CNTN5: variants seen among roughly 807,000 people sequenced by gnomAD.
CNTN5 encodes contactin-5.
In CNTN5, 77 loss-of-function variants were observed where a neutral mutation model predicts 129.1. The observed-to-expected ratio is 0.60, with a 90% CI of 0.50 to 0.72. CNTN5 has a LOEUF of 0.72. CNTN5 is among the 30% of genes least tolerant of loss of function. The pLI, the probability that CNTN5 is intolerant of heterozygous loss-of-function variation, is 0.00. For synonymous variants in CNTN5, 509 were observed against 465.6 expected, an observed-to-expected ratio of 1.09 and a Z score of -1.20; for missense variants, 1,478 against 1,328.8, an observed-to-expected ratio of 1.11 and a Z score of -1.75.
intron 6 of CNTN5, among the ~76,000 whole-genome samples, chr11:99,852,111 C>A (rs969500723): frequency 1.3e-5 from 2 of 152,096 alleles, no homozygotes; most frequent in African/African-American, 2.4e-5. Context: ...GATGTTATTA[C>A]AAAATAAATT....
At chr11:99,777,245 A>G (rs1390322971) in intron 3 of CNTN5, among the ~76,000 whole-genome samples, 1 of 151,854 alleles carries the variant, frequency 6.6e-6, no homozygotes, top group Non-Finnish European at 1.5e-5. Context: ...GTTCACATGT[A>G]TCTTTTAAAA....
chr11:100,034,563 G>A (rs138028100), intron 9 of CNTN5, among the ~76,000 whole-genome samples: 250 of 152,264 alleles, frequency 1.6e-3, no homozygotes, highest in Non-Finnish European at 2.8e-3. Context: ...TGCATACAGA[G>A]TGTCCTAAAC....
Position 100,167,365 on chromosome 11 carries a change from A to G in CNTN5, c.1581-23761A>G, listed in dbSNP as rs183784417. On this transcript the variant is annotated intron_variant, in intron 13 of 24. Transcript: ENST00000524871. ...AAAATTGGAGATGACTGATAAATACATTTAAAGCAGGCAAAATTTGAGATG... is the reference window on the plus strand; with the variant it reads ...AAAATTGGAGATGACTGATAAATACGTTTAAAGCAGGCAAAATTTGAGATG... Among the ~76,000 whole-genome samples the G allele has an allele frequency of 3.9e-3, 590 of 151,962 alleles. 2 individuals are homozygous for G. Among genetic ancestry groups the G allele is most frequent in the Non-Finnish European group, 6.3e-3 (430 of 67,860 alleles).
intron 23 of CNTN5, among the ~76,000 whole-genome samples, chr11:100,344,254 T>C (rs1203469941): frequency 6.6e-6 from 1 of 152,170 alleles, no homozygotes; most frequent in African/African-American, 2.4e-5. Flanking sequence ...CAGTTTAAGA[T>C]TGAAGAATTC....
intron 19 of CNTN5, 67 bp from the exon 20 acceptor site, chr11:100,299,095 G>C (rs1951163169): frequency 9.5e-7 from 1 of 1,051,468 alleles, no homozygotes; most frequent in African/African-American, 1.6e-5. Flanking sequence ...TTTTAATTAA[G>C]AATTTGGAGA....
chr11:99,302,258 T>G (rs1264772022), intron 1 of CNTN5, among the ~76,000 whole-genome samples: 1 of 151,098 alleles, frequency 6.6e-6, no homozygotes, highest in East Asian at 1.9e-4. Context: ...ATAAAAACAA[T>G]AGTGAAAAGT....
At position 100,191,385 on chromosome 11, in the gene CNTN5, A is replaced by G. The variant is rs1308825625; in HGVS notation, c.1708+132A>G. ...GCTTGTGTTTATAAAATACATTGCAAACATAGAACTAAAACAGCCACATTG... is the reference window on the plus strand; with the variant it reads ...GCTTGTGTTTATAAAATACATTGCAGACATAGAACTAAAACAGCCACATTG... On this transcript the variant is annotated intron_variant, in intron 14 of 24. Coordinates refer to ENST00000524871, the MANE Select transcript of CNTN5 (RefSeq NM_014361.4). The G allele has an allele frequency of 3.8e-5, 25 of 652,326 alleles. No individual in the cohort carries two copies. In the East Asian group the frequency reaches 7.8e-4, roughly 20 times the overall value. 40.4% of individuals were successfully genotyped at this position (652,326 alleles called of 1,614,324 possible). A position where few individuals can be genotyped will look rare whatever the true frequency, so the allele number is the denominator to read the frequency against.
intron 2 of CNTN5, among the ~76,000 whole-genome samples, chr11:99,534,284 A>C (rs1227934827): frequency 6.6e-6 from 1 of 152,218 alleles, no homozygotes; most frequent in East Asian, 1.9e-4. Flanking sequence ...AGGAGCTATG[A>C]ATATTCAGCA....
At chr11:99,535,545 T>A (rs531286964) in intron 2 of CNTN5, among the ~76,000 whole-genome samples, 1 of 152,304 alleles carries the variant, frequency 6.6e-6, no homozygotes, top group Non-Finnish European at 1.5e-5. Context: ...TCAGAGACTC[T>A]GATTCAATTG....
intron 23 of CNTN5, 74 bp from the exon 24 acceptor site, chr11:100,350,628 T>A: frequency 9.1e-7 from 1 of 1,099,050 alleles, no homozygotes; most frequent in African/African-American, 1.6e-5. Context: ...TCTCAGAATG[T>A]GACACATAGT....
intron 3 of CNTN5, among the ~76,000 whole-genome samples, chr11:99,564,658 T>C (rs1274034257): frequency 6.6e-6 from 1 of 152,226 alleles, no homozygotes; most frequent in Non-Finnish European, 1.5e-5. Context: ...ATTTTTAATA[T>C]ATATGTGAAA....
intron 3 of CNTN5, among the ~76,000 whole-genome samples, chr11:99,769,556 A>C (rs1944872298): frequency 1.3e-5 from 2 of 152,040 alleles, no homozygotes; most frequent in Admixed American, 1.3e-4. Flanking sequence ...TTTGCCTTAC[A>C]TATAGATGAA....
chr11:99,209,826 C>T (rs1263090033), intron 1 of CNTN5, among the ~76,000 whole-genome samples: 2 of 152,134 alleles, frequency 1.3e-5, no homozygotes, highest in Non-Finnish European at 2.9e-5. Context: ...AACCTAACTT[C>T]GGACTTAGTG....
intron 2 of CNTN5, among the ~76,000 whole-genome samples, chr11:99,538,106 C>T (rs1425735583): frequency 2.6e-5 from 4 of 152,162 alleles, no homozygotes; most frequent in African/African-American, 9.7e-5. Context: ...TTACATCTTA[C>T]ACTTCAAGTC....
intron 3 of CNTN5, among the ~76,000 whole-genome samples, chr11:99,609,475 C>T (rs1174665342): frequency 6.6e-6 from 1 of 152,058 alleles, no homozygotes; most frequent in African/African-American, 2.4e-5. Context: ...TGGCTGATGC[C>T]TAATGTAATC....
intron 1 of CNTN5, among the ~76,000 whole-genome samples, chr11:99,320,297 T>A (rs1302561917): frequency 1.3e-5 from 2 of 152,096 alleles, no homozygotes; most frequent in Non-Finnish European, 2.9e-5. Context: ...GCTAGGAAGA[T>A]GATGAAAGTA....
intron 1 of CNTN5, among the ~76,000 whole-genome samples, chr11:99,172,127 A>G (rs1404922977): frequency 6.6e-6 from 1 of 152,172 alleles, no homozygotes; most frequent in African/African-American, 2.4e-5. Flanking sequence ...CGTGTCAGAA[A>G]CTTTGGATAA....
chr11:99,641,933 G>A (rs749610154), intron 3 of CNTN5, among the ~76,000 whole-genome samples: 3 of 152,170 alleles, frequency 2.0e-5, no homozygotes, highest in African/African-American at 4.8e-5. Context: ...GTTCAGTTGA[G>A]GGTTGCCAGG....
At chr11:100,137,899 G>T (rs890393386) in intron 13 of CNTN5, among the ~76,000 whole-genome samples, 1 of 152,118 alleles carries the variant, frequency 6.6e-6, no homozygotes, top group Non-Finnish European at 1.5e-5. Context: ...AGAGAACTGG[G>T]AAGACAGCCA....
Sources: allele counts gnomAD v4.1 joint callset (sites outside exome capture counted in the v4.1 genomes callset), GRCh38; gene constraint gnomAD v4.1.1; transcripts MANE v1.5; gene names NCBI Gene and HGNC (gene_info 2026-07-23, HGNC 2026-07-21).